Variants in FAM227B observed in about 807,000 individuals in gnomAD.
FAM227B encodes the protein protein FAM227B.
A neutral mutation model predicts 73.8 loss-of-function variants in FAM227B; 88 were observed. The observed-to-expected ratio is 1.19, with a 90% CI of 1.00 to 1.42. FAM227B has a LOEUF of 1.42. FAM227B is among the 40% of genes most tolerant of loss of function. The pLI, the probability that FAM227B is intolerant of heterozygous loss-of-function variation, is 0.00. For missense variants in FAM227B, 632 were observed against 590.9 expected, an observed-to-expected ratio of 1.07 and a Z score of -0.72; for synonymous variants, 210 against 190.5, an observed-to-expected ratio of 1.10 and a Z score of -0.84.
intron 9 of FAM227B, among the ~76,000 whole-genome samples, chr15:49,546,336 AT>A (rs1021900504): frequency 5.1e-4 from 78 of 152,042 alleles, no homozygotes; most frequent in African/African-American, 1.8e-3. Flanking sequence ...TATGTGCCAC[AT>A]TTTCTTAATC....
chr15:49,405,437 A>T (rs1237471120), intron 11 of FAM227B, among the ~76,000 whole-genome samples: 2 of 152,030 alleles, frequency 1.3e-5, no homozygotes, highest in African/African-American at 4.8e-5. Flanking sequence ...TTTCTCAGAG[A>T]TTTTGTTTGT....
intron 11 of FAM227B, among the ~76,000 whole-genome samples, chr15:49,425,874 T>G (rs1245457970): frequency 6.6e-6 from 1 of 151,816 alleles, no homozygotes; most frequent in East Asian, 1.9e-4. Flanking sequence ...TCATTCTTAT[T>G]ATACTAAAGT....
chr15:49,620,381 T>C (rs1471761589), intron 1 of FAM227B, among the ~76,000 whole-genome samples: 1 of 152,210 alleles, frequency 6.6e-6, no homozygotes. Context: ...TTTTAAAATC[T>C]TAGTTGTTAG....
intron 13 of FAM227B, among the ~76,000 whole-genome samples, chr15:49,340,403 G>GCCCCCCCCCCCCCCCCCCCCC (rs373386438): frequency 3.2e-5 from 3 of 94,380 alleles, no homozygotes; most frequent in African/African-American, 3.9e-5. Context: ...GCAGTGCCCC[G>GCCCCCCCCCCCCCCCCCCCCC]CCCCCCCCCT....
chr15:49,375,361 T>G (rs968242106), intron 11 of FAM227B, among the ~76,000 whole-genome samples: 1 of 152,188 alleles, frequency 6.6e-6, no homozygotes, highest in Admixed American at 6.5e-5. Context: ...TGCCATCTTA[T>G]TATTACTTTA....
intron 11 of FAM227B, among the ~76,000 whole-genome samples, chr15:49,456,168 C>G (rs10519230): frequency 0.26 from 38,891 of 151,802 alleles, 5,332 homozygotes; most frequent in East Asian, 0.44. Flanking sequence ...AGTTTTTTTC[C>G]AGATATGCTA....
chr15:49,443,017 C>G (rs2051818023), intron 11 of FAM227B, among the ~76,000 whole-genome samples: 1 of 151,658 alleles, frequency 6.6e-6, no homozygotes, highest in African/African-American at 2.4e-5. Context: ...AGCACAATTC[C>G]TGGCACATAT....
At chr15:49,492,875 T>A (rs1243247732) in intron 11 of FAM227B, among the ~76,000 whole-genome samples, 2 of 151,956 alleles carry the variant, frequency 1.3e-5, no homozygotes, top group Non-Finnish European at 1.5e-5. Flanking sequence ...GCAGCATTGA[T>A]GTATTAAATA....
intron 13 of FAM227B, among the ~76,000 whole-genome samples, chr15:49,341,016 A>G (rs1365824067): frequency 6.6e-6 from 1 of 152,198 alleles, no homozygotes; most frequent in Non-Finnish European, 1.5e-5. Flanking sequence ...TTTATTGAGT[A>G]GGAAGTCCTT....
chr15:49,415,288 A>C (rs1250198571), intron 11 of FAM227B, among the ~76,000 whole-genome samples: 1 of 152,198 alleles, frequency 6.6e-6, no homozygotes, highest in Non-Finnish European at 1.5e-5. Context: ...CCTCAATTGC[A>C]CAAGGTCTTT....
chr15:49,481,691 T>C (rs2055961276), intron 11 of FAM227B, among the ~76,000 whole-genome samples: 1 of 152,214 alleles, frequency 6.6e-6, no homozygotes, highest in South Asian at 2.1e-4. Flanking sequence ...TTTTCTTAAT[T>C]TGTGTCCTAA....
chr15:49,536,132 A>G (rs184180564), intron 10 of FAM227B, among the ~76,000 whole-genome samples: 1 of 151,464 alleles, frequency 6.6e-6, no homozygotes, highest in African/African-American at 2.4e-5. Context: ...AAGGAAATAC[A>G]TAAAATTATC....
chr15:49,419,850 T>C (rs113483258), intron 11 of FAM227B, among the ~76,000 whole-genome samples: 1 of 152,200 alleles, frequency 6.6e-6, no homozygotes, highest in African/African-American at 2.4e-5. Flanking sequence ...GTTGCAGCTT[T>C]AGTGGAATTC....
intron 10 of FAM227B, among the ~76,000 whole-genome samples, chr15:49,533,267 G>A (rs931616828): frequency 6.6e-6 from 1 of 151,852 alleles, no homozygotes; most frequent in Non-Finnish European, 1.5e-5. Flanking sequence ...TTCTTAAAGT[G>A]GTTAAGACTT....
intron 3 of FAM227B, among the ~76,000 whole-genome samples, chr15:49,601,250 G>C (rs539380551): frequency 2.0e-5 from 3 of 151,042 alleles, no homozygotes; most frequent in East Asian, 3.9e-4. Flanking sequence ...TTTAAATAAT[G>C]GTACACTTTG....
intron 1 of FAM227B, among the ~76,000 whole-genome samples, chr15:49,616,370 T>C (rs531932699): frequency 6.6e-6 from 1 of 152,216 alleles, no homozygotes; most frequent in Non-Finnish European, 1.5e-5. Flanking sequence ...TAATAAACTT[T>C]GTGTTGTTTT....
intron 9 of FAM227B, among the ~76,000 whole-genome samples, chr15:49,558,800 ACCCTAC>A (rs1236290952): frequency 6.6e-6 from 1 of 151,960 alleles, no homozygotes; most frequent in East Asian, 1.9e-4. Context: ...TTACCTACGT[ACCCTAC>A]CCCTACCCTG....
intron 5 of FAM227B, among the ~76,000 whole-genome samples, chr15:49,580,337 A>C (rs2075734661): frequency 6.6e-6 from 1 of 152,200 alleles, no homozygotes; most frequent in East Asian, 1.9e-4. Flanking sequence ...AGCATGCTTA[A>C]GCACCATCTA....
intron 10 of FAM227B, among the ~76,000 whole-genome samples, chr15:49,532,706 A>G (rs1263671166): frequency 6.6e-6 from 1 of 151,896 alleles, no homozygotes; most frequent in Non-Finnish European, 1.5e-5. Context: ...TTCTCAAAAA[A>G]CCATTTTATT....
Sources: allele counts gnomAD v4.1 joint callset (sites outside exome capture counted in the v4.1 genomes callset), GRCh38; gene constraint gnomAD v4.1.1; transcripts MANE v1.5; gene names NCBI Gene and HGNC (gene_info 2026-07-23, HGNC 2026-07-21).